The following FUT9 variants were observed in gnomAD, a reference collection of about 807,000 sequenced individuals.
The protein encoded by FUT9 is fucosyltransferase 9.
A neutral mutation model predicts 29.7 loss-of-function variants in FUT9; 15 were observed. The observed-to-expected ratio is 0.51, with a 90% CI of 0.34 to 0.78. The LOEUF (loss-of-function observed/expected upper bound fraction) is 0.78. FUT9 is among the 30% of genes least tolerant of loss of function. The pLI is 0.01. For synonymous variants in FUT9, 169 were observed against 153.7 expected (o/e 1.10, Z -0.74); for missense variants, 319 against 425.4 (o/e 0.75, Z 2.20).
intron 1 of FUT9, among the ~76,000 whole-genome samples, chr6:96,079,377 A>C (rs1243082046): frequency 1.3e-5 from 2 of 152,114 alleles, no homozygotes; most frequent in Non-Finnish European, 2.9e-5. Context: ...CTACTCTCGA[A>C]GTTAAGTCAG....
chr6:96,103,916 T>G (rs962785199), intron 1 of FUT9, among the ~76,000 whole-genome samples: 1 of 152,236 alleles, frequency 6.6e-6, no homozygotes, highest in Non-Finnish European at 1.5e-5. Flanking sequence ...ATGATGTATT[T>G]CCCAATAAGG....
At chr6:96,162,921 G>A (rs949191493) in intron 2 of FUT9, among the ~76,000 whole-genome samples, 2 of 152,180 alleles carry the variant, frequency 1.3e-5, no homozygotes, top group African/African-American at 2.4e-5. Context: ...TGCCTTTCCT[G>A]TAGGCCAGAT....
At chr6:96,106,246 C>CCTTCCTTCCTTCCTTCCT (rs1562126410) in intron 1 of FUT9, among the ~76,000 whole-genome samples, 1 of 151,506 alleles carries the variant, frequency 6.6e-6, no homozygotes, top group Non-Finnish European at 1.5e-5. Context: ...TTCCTTCCTT[C>CCTTCCTTCCTTCCTTCCT]ATCTTCTTAA....
At chr6:96,166,428 A>G (rs1312578340) in intron 2 of FUT9, among the ~76,000 whole-genome samples, 4 of 152,200 alleles carry the variant, frequency 2.6e-5, no homozygotes, top group African/African-American at 9.6e-5. Flanking sequence ...AAAAATGCCA[A>G]TATGCTGCTC....
intron 1 of FUT9, among the ~76,000 whole-genome samples, chr6:96,073,210 G>C (rs185262416): frequency 2.6e-5 from 4 of 152,092 alleles, no homozygotes; most frequent in African/African-American, 9.7e-5. Flanking sequence ...CAGCACTTTG[G>C]GGGGCCAAGA....
intron 2 of FUT9, among the ~76,000 whole-genome samples, chr6:96,195,847 A>ATG (rs1773614923): frequency 6.6e-6 from 1 of 152,188 alleles, no homozygotes; most frequent in African/African-American, 2.4e-5. Context: ...ATCCTGTACT[A>ATG]ATACTATGAT....
In FUT9 at chr6:96,211,214, T is replaced by C. The variant is rs1436424778; in HGVS notation, c.*6979T>C. On this transcript the variant is annotated 3_prime_UTR_variant, in exon 3 of 3. Transcript: ENST00000302103. ...GTGAGGAGCTGGCAGTGGTGGTGAA[T>C]AGGCATTGTTTGCATTACTAAATAT... 1 of 166,690 alleles carries C rather than the reference T, an allele frequency of 6.0e-6. No homozygotes were observed. The highest frequency in any genetic ancestry group is 1.5e-5 in the Non-Finnish European group (1 of 67,982). 10.3% of individuals were successfully genotyped at this position (166,690 alleles called of 1,614,324 possible).
intron 2 of FUT9, among the ~76,000 whole-genome samples, chr6:96,172,559 A>T: frequency 6.6e-6 from 1 of 152,232 alleles, no homozygotes; most frequent in African/African-American, 2.4e-5. Context: ...CTAGGAAATT[A>T]GGGTCTTAGT....
chr6:96,156,755 C>A (rs1410697315), intron 2 of FUT9, among the ~76,000 whole-genome samples: 3 of 152,182 alleles, frequency 2.0e-5, no homozygotes, highest in Non-Finnish European at 4.4e-5. Context: ...TAACTCCTTT[C>A]ACTGGTTTTG....
At position 96,119,010 on chromosome 6, in the gene FUT9, A is replaced by T. The variant is rs80102350; in HGVS notation, c.-9+4883A>T. ...TTATTATGAAAAAACTCAAAGACTT[A>T]AAAAATATTTTTTAAGTCTATAAAG... On this transcript the variant is annotated intron_variant, in intron 2 of 2. Transcript: ENST00000302103. Among the ~76,000 whole-genome samples the T allele has an allele frequency of 6.7e-4, 102 of 152,328 alleles. 2 individuals carry two copies. In the East Asian group the frequency reaches 0.016, roughly 24 times the overall value.
intron 1 of FUT9, among the ~76,000 whole-genome samples, chr6:96,026,765 T>C (rs1006676227): frequency 6.6e-6 from 1 of 151,710 alleles, no homozygotes; most frequent in Non-Finnish European, 1.5e-5. Flanking sequence ...CCTTTCTTTG[T>C]ATTAACACAA....
intron 2 of FUT9, among the ~76,000 whole-genome samples, chr6:96,197,203 A>G (rs571674256): frequency 1.3e-5 from 2 of 152,264 alleles, no homozygotes; most frequent in African/African-American, 4.8e-5. Context: ...GTCTAAAGAG[A>G]AACCCACTGC....
At chr6:96,161,919 A>T (rs1772910584) in intron 2 of FUT9, among the ~76,000 whole-genome samples, 1 of 152,198 alleles carries the variant, frequency 6.6e-6, no homozygotes, top group Non-Finnish European at 1.5e-5. Context: ...GGAAATTTCT[A>T]ATGACATATC....
intron 2 of FUT9, among the ~76,000 whole-genome samples, chr6:96,194,824 T>C (rs1773593667): frequency 6.6e-6 from 1 of 152,082 alleles, no homozygotes; most frequent in Non-Finnish European, 1.5e-5. Context: ...GGAAAGCTTG[T>C]TCTGAAAAAA....
chr6:96,063,681 C>T (rs1770914493), intron 1 of FUT9, among the ~76,000 whole-genome samples: 1 of 151,906 alleles, frequency 6.6e-6, no homozygotes, highest in South Asian at 2.1e-4. Context: ...TAGATGAAGG[C>T]AATGAAGCAT....
chr6:96,175,435 A>C (rs1159948611), intron 2 of FUT9, among the ~76,000 whole-genome samples: 1 of 152,222 alleles, frequency 6.6e-6, no homozygotes, highest in South Asian at 2.1e-4. Flanking sequence ...CTATATGGTC[A>C]CTTTGAAAGA....
At chr6:96,125,475 T>G (rs557129160) in intron 2 of FUT9, among the ~76,000 whole-genome samples, 2 of 152,362 alleles carry the variant, frequency 1.3e-5, no homozygotes, top group African/African-American at 4.8e-5. Context: ...GTTAGCATTT[T>G]AAAATCTGGT....
In FUT9 at chr6:96,072,598, G is replaced by T. The variant is rs184443493; in HGVS notation, c.-97-41441G>T. On this transcript the variant is annotated intron_variant, in intron 1 of 2. Coordinates refer to ENST00000302103, the MANE Select transcript of FUT9 (RefSeq NM_006581.4). ...ACTAAGCTTGGCACGTACCTCTATG[G>T]GGTATGCACATGGTTATTTTTATAA... Among the ~76,000 whole-genome samples the T allele has an allele frequency of 6.1e-3, 930 of 152,182 alleles. 14 individuals are homozygous for T. Among genetic ancestry groups the T allele is most frequent in the African/African-American group, 0.021 (887 of 41,514 alleles).
chr6:96,123,999 A>G (rs1772082810), intron 2 of FUT9, among the ~76,000 whole-genome samples: 1 of 151,954 alleles, frequency 6.6e-6, no homozygotes, highest in Non-Finnish European at 1.5e-5. Context: ...ATGGAAAGGT[A>G]AGCACATTTT....
Sources: gnomAD v4.1 joint callset for allele counts (sites outside exome capture counted in the v4.1 genomes callset) on GRCh38, gnomAD v4.1.1 for gene constraint, MANE v1.5 for transcripts, NCBI Gene and HGNC (gene_info 2026-07-23, HGNC 2026-07-21) for gene names.